QRICH1: variants seen among roughly 807,000 people sequenced by gnomAD.
QRICH1 encodes transcriptional regulator QRICH1.
Under a neutral mutation model 87.1 loss-of-function variants are expected in QRICH1, and 16 were observed. The observed-to-expected ratio is 0.18, with a 90% CI of 0.12 to 0.28. QRICH1 has a LOEUF of 0.28. QRICH1 is among the 10% of genes least tolerant of loss of function. QRICH1 has a pLI of 1.00. For synonymous variants in QRICH1, 367 were observed against 368.4 expected (o/e 1.00, Z 0.05); for missense variants, 647 against 951.7 (o/e 0.68, Z 4.21).
chr3:49,070,084 C>T (rs1181166326), intron 2 of QRICH1, among the ~76,000 whole-genome samples: 1 of 151,178 alleles, frequency 6.6e-6, no homozygotes, highest in Non-Finnish European at 1.5e-5. Flanking sequence ...ATTGCCCAGT[C>T]TGGAGTGCAA....
rs527597101 is a variant in QRICH1 at position 49,050,248 on chromosome 3, CAAAAAA to C, written c.1339-3008_1339-3003del. Among the ~76,000 whole-genome samples, 178 of 52,406 alleles carry C rather than the reference CAAAAAA, an allele frequency of 3.4e-3. 7 individuals carry two copies. Among genetic ancestry groups the C allele is most frequent in the African/African-American group, 0.016 (164 of 10,172 alleles). The allele number at this position is 52,406 out of a possible 152,430, so 34.4% of individuals were successfully genotyped here. ...TGGGCTAAAGAGCGGGACTCCGTCT[CAAAAAA>C]AAAAAAAAAAAAAAAAAAATTAGCC... On this transcript the variant is annotated intron_variant, in intron 3 of 9. Transcript: ENST00000395443.
intron 1 of QRICH1, among the ~76,000 whole-genome samples, chr3:49,083,843 C>T (rs2042118960): frequency 1.3e-5 from 2 of 150,688 alleles, no homozygotes; most frequent in South Asian, 2.2e-4. Context: ...GCAGGAGAAT[C>T]GCTTGAACCC....
At chr3:49,047,577 G>C (rs1288441949) in intron 3 of QRICH1, among the ~76,000 whole-genome samples, 1 of 145,226 alleles carries the variant, frequency 6.9e-6, no homozygotes, top group Non-Finnish European at 1.5e-5. Flanking sequence ...TCCGCCTCCC[G>C]GGTTCAAGTG....
At chr3:49,089,668 G>C (rs750319070) in intron 1 of QRICH1, among the ~76,000 whole-genome samples, 1 of 152,084 alleles carries the variant, frequency 6.6e-6, no homozygotes, top group African/African-American at 2.4e-5. Context: ...AAATGGAAAT[G>C]AACAGCTGCA....
chr3:49,057,313 C>T lies in QRICH1; in HGVS notation c.887G>A (p.Ser296Asn). 5.6e-6 allele frequency: 9 copies of T among 1,614,214 alleles called. No individual in the cohort carries two copies. The highest frequency in any genetic ancestry group is 7.6e-6 in the Non-Finnish European group (9 of 1,180,044). ...AGGGCTAGTAATGGTCCCAGTGGCACTGTACAGGTGGGCACTGTCTACTGT... is the reference window on the plus strand; with the variant it reads ...AGGGCTAGTAATGGTCCCAGTGGCATTGTACAGGTGGGCACTGTCTACTGT... ...LLTVDSAHLY[S>N]ATGTITSPTG... The change falls in exon 3 of 10, where the codon AGT becomes AAT. Residue 296 changes from serine to asparagine, a missense_variant. Ser to Asn is a conservative substitution (Grantham distance 46). Transcript: ENST00000395443. The surrounding 1 kb of genome is among the most constrained non-coding windows in gnomAD (Gnocchi z 5.4).
At chr3:49,067,795 C>T (rs1021326658) in intron 2 of QRICH1, among the ~76,000 whole-genome samples, 3 of 151,854 alleles carry the variant, frequency 2.0e-5, no homozygotes, top group African/African-American at 4.8e-5. Context: ...CCTGGCCAAC[C>T]AACATGGTAA....
chr3:49,070,995 T>C (rs4955416), intron 2 of QRICH1, among the ~76,000 whole-genome samples: 115,058 of 151,682 alleles, frequency 0.76, 44,083 homozygotes, highest in East Asian at 1. Context: ...ACCTCTACCT[T>C]CCAAGTTCAA....
chr3:49,093,772 T>G, intron 1 of QRICH1, 140 bp downstream of exon 1: 10 of 312,314 alleles, frequency 3.2e-5, no homozygotes, highest in East Asian at 1.0e-4. Context: ...CCCAGGAACG[T>G]TTTCGGCTCC....
intron 1 of QRICH1, among the ~76,000 whole-genome samples, chr3:49,085,085 G>T (rs1292090489): frequency 6.6e-6 from 1 of 152,080 alleles, no homozygotes; most frequent in East Asian, 1.9e-4. Context: ...GGAGCTTGCA[G>T]TGAGCCAAGA....
chr3:49,057,066 G>C lies in QRICH1; in HGVS notation c.1134C>G (p.Thr378=). 1 of 1,614,172 alleles carries C rather than the reference G, an allele frequency of 6.2e-7. No individual in the cohort carries two copies. The highest frequency in any genetic ancestry group is 8.5e-7 in the Non-Finnish European group (1 of 1,180,026). Residue 378 remains threonine, a synonymous_variant, in exon 3 of 10, where the codon ACC becomes ACG. Transcript: ENST00000395443. The surrounding 1 kb of genome is among the most constrained non-coding windows in gnomAD (Gnocchi z 5.4). ...GTGCTGGAAAGAGAGAGTTTGCAAGGGTCTGCACTACCTCTTCATGGGAGT... is the reference window on the plus strand; with the variant it reads ...GTGCTGGAAAGAGAGAGTTTGCAAGCGTCTGCACTACCTCTTCATGGGAGT... ...VKNSHEEVVQ[T]LANSLFPAQF...
At position 49,093,957 on chromosome 3, in the gene QRICH1, C is replaced by G. The variant is rs1398138263; in HGVS notation, c.-67G>C. The G allele has an allele frequency of 7.4e-6, 3 of 404,424 alleles. No homozygotes were observed. Among genetic ancestry groups the G allele is most frequent in the Non-Finnish European group, 4.3e-6 (1 of 231,384 alleles). The allele number at this position is 404,424 out of a possible 1,614,324, so 25.1% of individuals were successfully genotyped here. On this transcript the variant is annotated 5_prime_UTR_variant, in exon 1 of 10. Coordinates refer to ENST00000395443, the MANE Select transcript of QRICH1 (RefSeq NM_198880.3). ...GCCGCCGCCGCCTCCGCTGCACCCG[C>G]CGGCCCCGCCGCACCGCCAGGGACC...
chr3:49,064,289 C>A lies in QRICH1; in HGVS notation c.310-6399G>T, dbSNP rs2093453649. On this transcript the variant is annotated intron_variant, in intron 2 of 9. Coordinates refer to ENST00000395443, the MANE Select transcript of QRICH1 (RefSeq NM_198880.3). Reference sequence around the variant, plus strand: ...CAAGAGTCTCAGTCTATCGCCCAGGCTGGAGTGCAGTGGTGTGATCTTGGA... The same window carrying A: ...CAAGAGTCTCAGTCTATCGCCCAGGATGGAGTGCAGTGGTGTGATCTTGGA... Among the ~76,000 whole-genome samples the A allele has an allele frequency of 8.6e-5, 12 of 139,294 alleles. No individual in the cohort carries two copies. The South Asian group carries it at 2.8e-3, about 32-fold the overall frequency. The allele number at this position is 139,294 out of a possible 152,430, so 91.4% of individuals were successfully genotyped here. A position where few individuals can be genotyped will look rare whatever the true frequency, so the allele number is the denominator to read the frequency against.
chr3:49,050,437 A>G (rs2093364147), intron 3 of QRICH1, among the ~76,000 whole-genome samples: 1 of 147,034 alleles, frequency 6.8e-6, no homozygotes, highest in East Asian at 1.9e-4. Flanking sequence ...AAAAAAAAAA[A>G]AAAAAAAAAG....
At chr3:49,050,243 C>G (rs1438189510) in intron 3 of QRICH1, among the ~76,000 whole-genome samples, 1 of 57,612 alleles carries the variant, frequency 1.7e-5, no homozygotes, top group African/African-American at 8.2e-5. Context: ...AGCGGGACTC[C>G]GTCTCAAAAA....
In QRICH1 at chr3:49,057,190, T is replaced by C; in HGVS notation, c.1010A>G (p.Tyr337Cys). ...TGAGCCACTGACGTGAACTGCGTTG[T>C]AGGCTTCCTGGGGAATGGCAATGTG... ...ITHIAIPQEA[Y>C]NAVHVSGSPT... The change falls in exon 3 of 10, where the codon TAC becomes TGC. Residue 337 changes from tyrosine (Y) to cysteine (C), a missense_variant. Transcript: ENST00000395443. The surrounding 1 kb of genome is among the most constrained non-coding windows in gnomAD (Gnocchi z 5.4). The C allele has an allele frequency of 6.2e-7, 1 of 1,614,216 alleles. No homozygotes were observed. Among genetic ancestry groups the C allele is most frequent in the Non-Finnish European group, 8.5e-7 (1 of 1,180,042 alleles).
chr3:49,088,504 G>A (rs1055995159), intron 1 of QRICH1, among the ~76,000 whole-genome samples: 4 of 150,602 alleles, frequency 2.7e-5, no homozygotes, highest in African/African-American at 9.8e-5. Context: ...CACCATATTG[G>A]CCAGGCTGTT....
intron 1 of QRICH1, among the ~76,000 whole-genome samples, chr3:49,080,028 C>A (rs75801988): frequency 1.4e-3 from 192 of 136,444 alleles, no homozygotes; most frequent in South Asian, 2.1e-3. Context: ...GACTCTATCT[C>A]AAAAAAAAAA....
At chr3:49,044,825 T>C (rs2093330040) in intron 5 of QRICH1, among the ~76,000 whole-genome samples, 1 of 152,110 alleles carries the variant, frequency 6.6e-6, no homozygotes, top group African/African-American at 2.4e-5. Flanking sequence ...TTAAACAACA[T>C]GTGCAAGTCT....
intron 6 of QRICH1, among the ~76,000 whole-genome samples, chr3:49,040,480 G>A (rs931247523): frequency 6.6e-6 from 1 of 152,214 alleles, no homozygotes; most frequent in Non-Finnish European, 1.5e-5. Context: ...CAAAGTACTA[G>A]AGTTAACTTA....
Sources: allele counts gnomAD v4.1 joint callset (sites outside exome capture counted in the v4.1 genomes callset), GRCh38; gene constraint gnomAD v4.1.1; non-coding constraint Gnocchi (gnomAD v3.1); transcripts MANE v1.5; gene names NCBI Gene and HGNC (gene_info 2026-07-23, HGNC 2026-07-21).